Variants in SACS observed in about 807,000 individuals in gnomAD.
SACS encodes the protein sacsin molecular chaperone, also known as sacsin.
SACS carries 197 observed loss-of-function variants against 348.0 expected under a neutral mutation model. The ratio of observed to expected loss-of-function variants is 0.57; its 90% confidence interval spans 0.50 to 0.64. SACS has a LOEUF of 0.64. SACS is among the 30% of genes least tolerant of loss of function. The pLI, the probability that SACS is intolerant of heterozygous loss-of-function variation, is 0.00. For synonymous variants in SACS, 1,985 were observed against 1,910.6 expected (o/e 1.04, Z -1.02); for missense variants, 4,999 against 5,360.8 (o/e 0.93, Z 2.11).
In SACS at chr13:23,338,759, CTG is replaced by C. The variant is rs1192929042; in HGVS notation, c.5115_5116del (p.Ser1706PhefsTer9). 1 of 1,610,754 alleles carries C rather than the reference CTG, an allele frequency of 6.2e-7. No individual in the cohort carries two copies. Among genetic ancestry groups the C allele is most frequent in the Non-Finnish European group, 8.5e-7 (1 of 1,179,008 alleles). ...AATTATTACTGTATCTTGTGCTAAACTGGGGTTGGTTTCCTCAATTTTCAAGT... is the reference window on the plus strand; with the variant it reads ...AATTATTACTGTATCTTGTGCTAAACGGGTTGGTTTCCTCAATTTTCAAGT... On this transcript the variant is annotated frameshift_variant, in exon 10 of 10. Coordinates refer to ENST00000382292, the MANE Select transcript of SACS (RefSeq NM_014363.6). LOFTEE classifies it high-confidence loss of function.
intron 2 of SACS, among the ~76,000 whole-genome samples, chr13:23,382,632 A>G (rs1414939461): frequency 6.6e-6 from 1 of 152,184 alleles, no homozygotes; most frequent in Non-Finnish European, 1.5e-5. Flanking sequence ...AACGAATCCT[A>G]AATCTAAACA....
At chr13:23,375,571 C>G (rs1056994694) in intron 2 of SACS, 1 of 1,037,642 alleles carries the variant, frequency 9.6e-7, no homozygotes, top group Non-Finnish European at 1.2e-6. Context: ...GCGCTCCCGG[C>G]CCACTCCCGG....
intron 2 of SACS, among the ~76,000 whole-genome samples, chr13:23,406,074 A>G (rs1873190261): frequency 1.3e-5 from 2 of 152,212 alleles, no homozygotes; most frequent in South Asian, 2.1e-4. Context: ...CTAAAGACAC[A>G]TGCACACGTA....
chr13:23,353,992 T>C (rs1870149615), intron 8 of SACS, 116 bp from the exon 9 acceptor site: 1 of 716,088 alleles, frequency 1.4e-6, no homozygotes, highest in South Asian at 1.6e-5. Flanking sequence ...ACATAAATTA[T>C]AATGCACACA....
rs1231243338 is a variant in SACS at position 23,341,484 on chromosome 13, C to T, written c.2392G>A (p.Asp798Asn). 2 of 1,613,952 alleles carry T rather than the reference C, an allele frequency of 1.2e-6. No homozygotes were observed. Among genetic ancestry groups the T allele is most frequent in the South Asian group, 2.2e-5 (2 of 91,074 alleles). Residue 798 changes from aspartate to asparagine, a missense_variant, in exon 10 of 10, where the codon GAT (aspartate) becomes AAT (asparagine). Around this residue, in one of 6 missense-constraint regions of SACS, gnomAD observed 3,156 missense variants for 3,380.1 expected, o/e 0.93. Coordinates refer to ENST00000382292, the MANE Select transcript of SACS (RefSeq NM_014363.6). ...GTTCTGGGGATAAGTGGCATCTCAT[C>T]AAATAAAGTCAAATCCTCTGAAAAA... is the stretch of plus-strand genomic sequence containing the variant. ...IHFSEDLTLF[D>N]EMPLIPRTIL...
intron 2 of SACS, among the ~76,000 whole-genome samples, chr13:23,390,872 G>A (rs1172433011): frequency 6.6e-6 from 1 of 152,132 alleles, no homozygotes; most frequent in African/African-American, 2.4e-5. Context: ...CCTCATTCAG[G>A]TGTTTACACT....
intron 2 of SACS, among the ~76,000 whole-genome samples, chr13:23,409,364 T>G (rs559753716): frequency 1.1e-4 from 16 of 149,110 alleles, no homozygotes; most frequent in South Asian, 4.3e-4. Flanking sequence ...GTTTTTTTTT[T>G]TTTTTTTTTT....
chr13:23,369,003 GATTT>G (rs1257124001), intron 4 of SACS, among the ~76,000 whole-genome samples: 2 of 152,122 alleles, frequency 1.3e-5, no homozygotes, highest in Non-Finnish European at 2.9e-5. Context: ...CTGGCCTCAA[GATTT>G]TTAACTGAAC....
In SACS at chr13:23,411,315, G is replaced by T; in HGVS notation, c.-76C>A. On this transcript the variant is annotated 5_prime_UTR_variant, in exon 2 of 10. Transcript: ENST00000382292. Reference sequence around the variant, plus strand: ...TTTCTTCTGTTTAAGTCTTCCCTCTGTGCTTCCTTTAAATGTGTACTCCAA... The same window carrying T: ...TTTCTTCTGTTTAAGTCTTCCCTCTTTGCTTCCTTTAAATGTGTACTCCAA... 7.2e-7 allele frequency: 1 copy of T among 1,387,182 alleles called. No individual in the cohort carries two copies. Among genetic ancestry groups the T allele is most frequent in the Non-Finnish European group, 1.0e-6 (1 of 974,306 alleles). 85.9% of individuals were successfully genotyped at this position (1,387,182 alleles called of 1,614,324 possible).
rs144990005 is a variant in SACS at position 23,416,175 on chromosome 13, G to A, written c.-501-4435C>T. Among the ~76,000 whole-genome samples, 1,266 of 152,170 alleles carry A rather than the reference G, an allele frequency of 8.3e-3. 11 individuals carry two copies. The highest frequency in any genetic ancestry group is 0.029 in the African/African-American group (1,194 of 41,506). ...TGTGTGCCTGTAATCCCAGCTACTT[G>A]GGAGGCTGAGGCAGGAGAATCACTT... On this transcript the variant is annotated intron_variant, in intron 1 of 9. Transcript: ENST00000382292.
intron 2 of SACS, among the ~76,000 whole-genome samples, chr13:23,406,082 G>C (rs973529094): frequency 6.6e-6 from 1 of 152,132 alleles, no homozygotes; most frequent in African/African-American, 2.4e-5. Flanking sequence ...ACATGCACAC[G>C]TATGTTTATT....
intron 2 of SACS, among the ~76,000 whole-genome samples, chr13:23,377,279 G>A (rs1261425291): frequency 6.6e-6 from 1 of 152,176 alleles, no homozygotes; most frequent in African/African-American, 2.4e-5. Context: ...AAATTTTATG[G>A]TATGTGAGTT....
intron 9 of SACS, among the ~76,000 whole-genome samples, chr13:23,352,697 C>T (rs575836534): frequency 1.3e-5 from 2 of 152,106 alleles, no homozygotes; most frequent in Non-Finnish European, 2.9e-5. Context: ...TTATAGGAAT[C>T]CAGGCTTAGA....
intron 2 of SACS, among the ~76,000 whole-genome samples, chr13:23,385,599 C>T (rs1023126912): frequency 3.4e-4 from 51 of 152,070 alleles, no homozygotes; most frequent in African/African-American, 1.2e-3. Context: ...TTCAGCTGAT[C>T]CACCCGCCTC....
At chr13:23,370,987 G>T in intron 4 of SACS, 91 bp downstream of exon 4, 1 of 808,938 alleles carries the variant, frequency 1.2e-6, no homozygotes, top group Non-Finnish European at 2.0e-6. Context: ...GCGAGACTCA[G>T]TTTCAAAAAC....
At chr13:23,406,530 A>T (rs1335552735) in intron 2 of SACS, among the ~76,000 whole-genome samples, 1 of 62,566 alleles carries the variant, frequency 1.6e-5, no homozygotes, top group Admixed American at 1.6e-4. Flanking sequence ...AAGTATAATA[A>T]AAAAAAGTTC....
chr13:23,344,015 A>T (rs2137658500), intron 9 of SACS, among the ~76,000 whole-genome samples: 1 of 152,308 alleles, frequency 6.6e-6, no homozygotes, highest in South Asian at 2.1e-4. Context: ...ATATTTAAGA[A>T]ATTACAAAAT....
chr13:23,396,077 A>G (rs1440313368), intron 2 of SACS, among the ~76,000 whole-genome samples: 1 of 152,160 alleles, frequency 6.6e-6, no homozygotes, highest in South Asian at 2.1e-4. Context: ...TAATCCCAGC[A>G]CTTTGGGAGG....
At position 23,337,512 on chromosome 13, in the gene SACS, T is replaced by G; in HGVS notation, c.6364A>C (p.Lys2122Gln). ...CTCCCATCTTTAATATCAAATAACT[T>G]TGCAACTCGTCCTTCGGGGTGGATC... ...RLIHPEGRVAKLFDIKDGRFP... is the reference protein window; with the variant it reads ...RLIHPEGRVAQLFDIKDGRFP... The change falls in exon 10 of 10, where the codon AAG becomes CAG. Residue 2122 changes from lysine to glutamine, a missense_variant. Lys to Gln is a moderately conservative substitution (Grantham distance 53). Coordinates refer to ENST00000382292, the MANE Select transcript of SACS (RefSeq NM_014363.6). 6.2e-7 allele frequency: 1 copy of G among 1,613,918 alleles called. No homozygotes were observed. The highest frequency in any genetic ancestry group is 8.5e-7 in the Non-Finnish European group (1 of 1,179,894).
Sources: gnomAD v4.1 joint callset for allele counts (sites outside exome capture counted in the v4.1 genomes callset) on GRCh38, gnomAD v4.1.1 for gene constraint, gnomAD v4.1.1 regional missense constraint, MANE v1.5 for transcripts, NCBI Gene and HGNC (gene_info 2026-07-23, HGNC 2026-07-21) for gene names.